LGALS4: variants seen among roughly 807,000 people sequenced by gnomAD.
LGALS4 encodes the protein galectin-4.
In LGALS4, 37 loss-of-function variants were observed where a neutral mutation model predicts 39.6. That is an observed-to-expected ratio of 0.93 (90% CI 0.72 to 1.23). The LOEUF (loss-of-function observed/expected upper bound fraction) is 1.23. LGALS4 is among the 50% of genes most tolerant of loss of function. The pLI, the probability that LGALS4 is intolerant of heterozygous loss-of-function variation, is 0.00. For synonymous variants in LGALS4, 160 were observed against 165.5 expected (o/e 0.97, Z 0.25); for missense variants, 397 against 433.2 (o/e 0.92, Z 0.74).
At position 38,806,552 on chromosome 19, in the gene LGALS4, A is replaced by G. The variant is rs1411877733; in HGVS notation, c.383T>C (p.Leu128Pro). ...CAGGTGGGTGACCATCTGTAGGGGA[A>G]GCCGGTGCCCGTACTCATAGAAGGG... is the stretch of plus-strand genomic sequence containing the variant. ...GNPFYEYGHR[L>P]PLQMVTHLQV... The change falls in exon 4 of 10, where the codon CTT (leucine) becomes CCT (proline). Residue 128 changes from leucine to proline, a missense_variant. Physicochemically the swap from Leu to Pro is moderately conservative, Grantham distance 98. Coordinates refer to ENST00000307751, the MANE Select transcript of LGALS4 (RefSeq NM_006149.4). The G allele has an allele frequency of 6.2e-7, 1 of 1,614,086 alleles. No homozygotes were observed. Among genetic ancestry groups the G allele is most frequent in the Non-Finnish European group, 8.5e-7 (1 of 1,179,996 alleles).
chr19:38,803,338 G>A (rs1001008182), intron 7 of LGALS4, 184 bp downstream of exon 7: 4 of 635,612 alleles, frequency 6.3e-6, no homozygotes, highest in Non-Finnish European at 1.1e-5. Context: ...TTTCTGAGAG[G>A]TCCCACTCCT....
chr19:38,809,980 C>T (rs1444649241), intron 2 of LGALS4, among the ~76,000 whole-genome samples: 2 of 152,174 alleles, frequency 1.3e-5, no homozygotes, highest in African/African-American at 4.8e-5. Flanking sequence ...ATATTCCGCA[C>T]CCCTGGGCAC....
At chr19:38,807,624 C>T (rs1164949309) in intron 3 of LGALS4, among the ~76,000 whole-genome samples, 7 of 151,536 alleles carry the variant, frequency 4.6e-5, no homozygotes, top group African/African-American at 7.3e-5. Flanking sequence ...CCAACAGCTC[C>T]GAAGAGACAG....
intron 7 of LGALS4, 106 bp downstream of exon 7, chr19:38,803,416 A>G: frequency 8.7e-7 from 1 of 1,155,580 alleles, no homozygotes; most frequent in Non-Finnish European, 1.3e-6. Flanking sequence ...CCCTTCCCCT[A>G]CCTCCCACCC....
chr19:38,803,484 C>A (rs762276339), intron 7 of LGALS4, 38 bp downstream of exon 7: 55 of 1,609,526 alleles, frequency 3.4e-5, no homozygotes, highest in Non-Finnish European at 4.6e-5. Flanking sequence ...GATCCGTGCC[C>A]CCTCCCCACC....
At position 38,802,363 on chromosome 19, in the gene LGALS4, A is replaced by C. The variant is rs1482003456; in HGVS notation, c.612T>G (p.Ala204=). The C allele has an allele frequency of 1.2e-6, 2 of 1,614,090 alleles. No homozygotes were observed. Among genetic ancestry groups the C allele is most frequent in the African/African-American group, 2.7e-5 (2 of 74,928 alleles). Residue 204 remains alanine, a synonymous_variant, in exon 8 of 10, where the codon GCT becomes GCG. Coordinates refer to ENST00000307751, the MANE Select transcript of LGALS4 (RefSeq NM_006149.4). ...AGCCCTTGATGATGATGGTTCTTCG[A>C]GCTGTGAGCCCTCCTTGCAGCCTCC... ...YFGRLQGGLT[A]RRTIIIKGYV...
At chr19:38,803,292 CAGGCGTGA>C (rs1456680286) in intron 7 of LGALS4, 2 of 594,492 alleles carry the variant, frequency 3.4e-6, no homozygotes, top group Admixed American at 5.9e-5. Flanking sequence ...GCTGGGATTA[CAGGCGTGA>C]GCCACCATGT....
intron 3 of LGALS4, 101 bp downstream of exon 3, chr19:38,808,643 A>AT: frequency 9.5e-6 from 8 of 843,066 alleles, no homozygotes; most frequent in Non-Finnish European, 1.1e-5. Context: ...AAAAAAAAAA[A>AT]GAAAGAAAGA....
chr19:38,802,651 C>G (rs898539078), intron 7 of LGALS4, among the ~76,000 whole-genome samples: 1 of 151,180 alleles, frequency 6.6e-6, no homozygotes, highest in Non-Finnish European at 1.5e-5. Context: ...TGAGCCACCA[C>G]GCCCAGCCTT....
intron 4 of LGALS4, 51 bp from the exon 5 acceptor site, chr19:38,803,946 A>G: frequency 6.4e-7 from 1 of 1,570,582 alleles, no homozygotes; most frequent in Non-Finnish European, 8.6e-7. Flanking sequence ...CAGATTTGCG[A>G]CTGAAAGATG....
At chr19:38,806,807 C>T (rs1459367183) in intron 3 of LGALS4, among the ~76,000 whole-genome samples, 3 of 152,050 alleles carry the variant, frequency 2.0e-5, no homozygotes, top group East Asian at 3.9e-4. Context: ...ATTAGCCAGG[C>T]ATGGTGGCGG....
intron 3 of LGALS4, 83 bp downstream of exon 3, chr19:38,808,659 AAG>A: frequency 9.3e-7 from 1 of 1,080,310 alleles, no homozygotes; most frequent in South Asian, 1.5e-5. Flanking sequence ...AAAGAAAGAA[AAG>A]GAAGGAAGGC....
At chr19:38,803,296 C>T (rs755568598) in intron 7 of LGALS4, 16 of 598,016 alleles carry the variant, frequency 2.7e-5, no homozygotes, top group African/African-American at 5.6e-5. Flanking sequence ...GGATTACAGG[C>T]GTGAGCCACC....
At chr19:38,810,033 G>A (rs1002180427) in intron 2 of LGALS4, among the ~76,000 whole-genome samples, 2 of 152,198 alleles carry the variant, frequency 1.3e-5, no homozygotes, top group Admixed American at 6.5e-5. Context: ...GCCTGTCTCA[G>A]GGCCTTTGCA....
At position 38,808,820 on chromosome 19, in the gene LGALS4, T is replaced by C; in HGVS notation, c.263A>G (p.Glu88Gly). 1 of 1,614,092 alleles carries C rather than the reference T, an allele frequency of 6.2e-7. No homozygotes were observed. Among genetic ancestry groups the C allele is most frequent in the South Asian group, 1.1e-5 (1 of 91,080 alleles). Reference sequence around the variant, plus strand: ...TTTGAAGGGCATGCTCCTCTTCCTCTCCTCGCTGCCCCACTTCCCGCCCTG... The same window carrying C: ...TTTGAAGGGCATGCTCCTCTTCCTCCCCTCGCTGCCCCACTTCCCGCCCTG... ...TLQGGKWGSE[E>G]RKRSMPFKKG... is the part of the protein sequence containing the mutation. Residue 88 changes from glutamate to glycine, a missense_variant, in exon 3 of 10, where the codon GAG becomes GGG. Physicochemically the swap from Glu to Gly is moderately conservative, Grantham distance 98. Transcript: ENST00000307751.
intron 1 of LGALS4, 50 bp downstream of exon 1, chr19:38,812,792 G>A (rs1971510149): frequency 3.8e-6 from 6 of 1,594,382 alleles, no homozygotes; most frequent in East Asian, 2.2e-5. Flanking sequence ...TTGGTGTGAG[G>A]GCTTATGGAC....
At chr19:38,806,783 C>T (rs1971427347) in intron 3 of LGALS4, among the ~76,000 whole-genome samples, 188 bp from the exon 4 acceptor site, 1 of 151,968 alleles carries the variant, frequency 6.6e-6, no homozygotes, top group Non-Finnish European at 1.5e-5. Context: ...CCCATCTCTA[C>T]TAAAAATACA....
At chr19:38,804,456 T>C (rs370811156) in intron 4 of LGALS4, among the ~76,000 whole-genome samples, 2 of 152,206 alleles carry the variant, frequency 1.3e-5, no homozygotes, top group East Asian at 3.9e-4. Context: ...ATTTTGTATT[T>C]TTAATAGAGA....
chr19:38,802,019 G>A lies in LGALS4; in HGVS notation c.798C>T (p.Asn266=), dbSNP rs1971362235. Residue 266 remains asparagine (N), a synonymous_variant, in exon 9 of 10, where the codon AAC becomes AAT. Transcript: ENST00000307751. ...CAAAGAACTGTCCGGGACCAAATGG[G>A]TTGTGGGTGATCTTCTTCTCCTCGG... The part of the protein sequence containing the change: ...WGSEEKKITH[N]PFGPGQFFDL... 1.2e-6 allele frequency: 2 copies of A among 1,614,232 alleles called. No homozygotes were observed. Among genetic ancestry groups the A allele is most frequent in the Non-Finnish European group, 1.7e-6 (2 of 1,180,042 alleles).
Sources: allele counts gnomAD v4.1 joint callset (sites outside exome capture counted in the v4.1 genomes callset), GRCh38; gene constraint gnomAD v4.1.1; transcripts MANE v1.5; gene names NCBI Gene and HGNC (gene_info 2026-07-23, HGNC 2026-07-21).